AFG2A: variants seen among roughly 807,000 people sequenced by gnomAD.
The protein encoded by AFG2A is ATPase family gene 2 protein homolog A.
chr4:123,164,355 A>ATATTT, the AFG2A span, among the ~76,000 whole-genome samples: 1 of 151,312 alleles, frequency 6.6e-6, no homozygotes, highest in Non-Finnish European at 1.5e-5. Context: ...GTATTATTGG[A>ATATTT]TATTTTTTGT....
At chr4:122,963,216 C>CTT in the AFG2A span, among the ~76,000 whole-genome samples, 10 of 152,276 alleles carry the variant, frequency 6.6e-5, no homozygotes, top group Non-Finnish European at 1.5e-4. Flanking sequence ...AAGTACAATA[C>CTT]AGTGTGTTGG....
At chr4:123,094,565 G>A in the AFG2A span, among the ~76,000 whole-genome samples, 1 of 152,054 alleles carries the variant, frequency 6.6e-6, no homozygotes. Flanking sequence ...AAGTGTTCCT[G>A]TAGATCTCTA....
At chr4:123,025,168 C>G in the AFG2A span, among the ~76,000 whole-genome samples, 2 of 152,180 alleles carry the variant, frequency 1.3e-5, no homozygotes, top group Non-Finnish European at 2.9e-5. Flanking sequence ...CTGTTAACAG[C>G]TGCCCCTCAA....
the AFG2A span, chr4:123,313,972 C>G: frequency 1.9e-6 from 3 of 1,612,920 alleles, no homozygotes; most frequent in African/African-American, 1.3e-5. Context: ...ACATTTCACT[C>G]AGGCCTTGAG....
the AFG2A span, among the ~76,000 whole-genome samples, chr4:123,247,880 T>C: frequency 0.67 from 102,064 of 152,118 alleles, 34,964 homozygotes; most frequent in Non-Finnish European, 0.72. Context: ...TAATTTGACT[T>C]ACCTCATCCT....
At chr4:122,997,756 C>T in the AFG2A span, among the ~76,000 whole-genome samples, 1 of 152,100 alleles carries the variant, frequency 6.6e-6, no homozygotes, top group Non-Finnish European at 1.5e-5. Flanking sequence ...ACATTCTTAC[C>T]AGTAATATAT....
At chr4:123,107,316 A>C in the AFG2A span, among the ~76,000 whole-genome samples, 1 of 152,196 alleles carries the variant, frequency 6.6e-6, no homozygotes. Context: ...GTATGTGGAC[A>C]ACTGGAGGGT....
the AFG2A span, among the ~76,000 whole-genome samples, chr4:123,132,780 C>CTTT: frequency 8.5e-5 from 11 of 129,214 alleles, no homozygotes; most frequent in African/African-American, 2.0e-4. Flanking sequence ...GATTTCAATC[C>CTTT]TTTTTTTTTT....
chr4:123,273,428 C>T, the AFG2A span, among the ~76,000 whole-genome samples: 4 of 151,948 alleles, frequency 2.6e-5, no homozygotes, highest in Non-Finnish European at 5.9e-5. Flanking sequence ...AAATATGATT[C>T]ACTATATAAA....
At chr4:123,270,943 C>G in the AFG2A span, among the ~76,000 whole-genome samples, 427 of 152,296 alleles carry the variant, frequency 2.8e-3, 2 homozygotes, top group Non-Finnish European at 4.8e-3. Flanking sequence ...AAATCAACAG[C>G]AATCCATCAT....
chr4:122,926,748 TAG>T, the AFG2A span, among the ~76,000 whole-genome samples: 6 of 152,364 alleles, frequency 3.9e-5, no homozygotes, highest in Admixed American at 6.5e-5. Context: ...AAGTGTTTCA[TAG>T]ATTTTGTGCT....
chr4:123,145,622 C>T, the AFG2A span, among the ~76,000 whole-genome samples: 1 of 151,962 alleles, frequency 6.6e-6, no homozygotes, highest in African/African-American at 2.4e-5. Flanking sequence ...AATCCAAAGC[C>T]GGTGACATTA....
the AFG2A span, chr4:123,057,415 T>G: frequency 1.6e-5 from 15 of 963,336 alleles, no homozygotes; most frequent in South Asian, 2.4e-4. Flanking sequence ...AAAAAAGTTT[T>G]CAGTTTTTGT....
the AFG2A span, among the ~76,000 whole-genome samples, chr4:122,959,173 G>A: frequency 6.6e-6 from 1 of 152,162 alleles, no homozygotes; most frequent in East Asian, 1.9e-4. Context: ...AGTTTTTGGA[G>A]ATTCTCTAAC....
the AFG2A span, among the ~76,000 whole-genome samples, chr4:122,954,335 C>G: frequency 6.6e-6 from 1 of 152,324 alleles, no homozygotes; most frequent in African/African-American, 2.4e-5. Flanking sequence ...CTGCCCAGCT[C>G]CACTAGTTCC....
At chr4:123,093,488 C>G in the AFG2A span, among the ~76,000 whole-genome samples, 1 of 152,158 alleles carries the variant, frequency 6.6e-6, no homozygotes, top group Non-Finnish European at 1.5e-5. Context: ...AGCTAGAGAT[C>G]GCTTTTGTTG....
chr4:123,249,494 G>A, the AFG2A span, among the ~76,000 whole-genome samples: 1 of 152,082 alleles, frequency 6.6e-6, no homozygotes, highest in Non-Finnish European at 1.5e-5. Context: ...AGGAAGTTAA[G>A]GTATTTGCAG....
the AFG2A span, among the ~76,000 whole-genome samples, chr4:123,231,618 A>G: frequency 2.6e-5 from 4 of 151,884 alleles, no homozygotes; most frequent in South Asian, 4.1e-4. Flanking sequence ...AGCATTCACA[A>G]TTTGCTTACT....
the AFG2A span, among the ~76,000 whole-genome samples, chr4:122,973,965 A>G: frequency 6.6e-6 from 1 of 152,160 alleles, no homozygotes; most frequent in Non-Finnish European, 1.5e-5. Context: ...AGTGTGAGCC[A>G]CCGTGCCCAA....
Sources: allele counts gnomAD v4.1 joint callset (sites outside exome capture counted in the v4.1 genomes callset), GRCh38; gene constraint gnomAD v4.1.1; transcripts MANE v1.5; gene names NCBI Gene and HGNC (gene_info 2026-07-23, HGNC 2026-07-21).